AZIN1: variants seen among roughly 807,000 people sequenced by gnomAD.
AZIN1 encodes the protein ornithine decarboxylase antizyme inhibitor.
In AZIN1, 12 loss-of-function variants were observed where a neutral mutation model predicts 47.4. The ratio of observed to expected loss-of-function variants is 0.25; its 90% CI spans 0.16 to 0.41. AZIN1 has a LOEUF of 0.41. AZIN1 is among the 10% of genes least tolerant of loss of function. The pLI, the probability that AZIN1 is intolerant of heterozygous loss-of-function variation, is 1.00. For missense variants in AZIN1, 410 were observed against 532.4 expected, an observed-to-expected ratio of 0.77 and a Z score of 2.26; for synonymous variants, 155 against 176.3, an observed-to-expected ratio of 0.88 and a Z score of 0.96.
Position 102,829,868 on chromosome 8 carries a change from C to G in AZIN1, c.973G>C (p.Ala325Pro), listed in dbSNP as rs2131188684. Reference protein sequence around the residue: ...YMNDGVYGSFASKLSEDLNTI... With the variant: ...YMNDGVYGSFPSKLSEDLNTI... ...TTTAAGTCCTCAGACAGTTTACTTG[C>G]AAAAGAACCATAAACACCATCATTC... Residue 325 changes from alanine to proline, a missense_variant, in exon 10 of 12, where the codon GCA (alanine) becomes CCA (proline). Transcript: ENST00000337198. 1 of 1,613,404 alleles carries G rather than the reference C, an allele frequency of 6.2e-7. No homozygotes were observed. The highest frequency in any genetic ancestry group is 1.1e-5 in the South Asian group (1 of 90,800).
At chr8:102,861,463 C>G (rs1813646124) in intron 1 of AZIN1, among the ~76,000 whole-genome samples, 1 of 151,450 alleles carries the variant, frequency 6.6e-6, no homozygotes, top group Non-Finnish European at 1.5e-5. Flanking sequence ...CTCAGGCAAT[C>G]CACCCGCCTC....
intron 1 of AZIN1, among the ~76,000 whole-genome samples, chr8:102,863,386 G>GGGGCTGCGGGACCCCGGCCCCTCA (rs568065195): frequency 2.6e-3 from 402 of 151,844 alleles, no homozygotes; most frequent in African/African-American, 8.9e-3. Flanking sequence ...CCGCGGAGTA[G>GGGGCTGCGGGACCCCGGCCCCTCA]GGGCTGCGGG....
At chr8:102,833,810 T>A (rs1321717845) in intron 8 of AZIN1, among the ~76,000 whole-genome samples, 1 of 141,006 alleles carries the variant, frequency 7.1e-6, no homozygotes, top group African/African-American at 2.7e-5. Context: ...AGCAGGAGGA[T>A]CGCTTGAGCC....
At chr8:102,832,825 G>C (rs1346786331) in intron 9 of AZIN1, among the ~76,000 whole-genome samples, 2 of 152,036 alleles carry the variant, frequency 1.3e-5, no homozygotes, top group African/African-American at 4.8e-5. Context: ...ATTTTTAGTA[G>C]AGATGGGGTT....
intron 2 of AZIN1, among the ~76,000 whole-genome samples, chr8:102,850,759 G>C (rs1311347161): frequency 6.6e-6 from 1 of 152,130 alleles, no homozygotes; most frequent in African/African-American, 2.4e-5. Flanking sequence ...TTATTTTTCA[G>C]GTGATGAGGT....
intron 1 of AZIN1, among the ~76,000 whole-genome samples, chr8:102,862,571 C>A (rs943785364): frequency 3.9e-5 from 6 of 152,126 alleles, no homozygotes; most frequent in African/African-American, 1.4e-4. Flanking sequence ...GAGGGCCTTT[C>A]TAGACAATCA....
At chr8:102,834,865 C>A in intron 6 of AZIN1, 118 bp from the exon 7 acceptor site, 1 of 662,912 alleles carries the variant, frequency 1.5e-6, no homozygotes, top group Non-Finnish European at 2.5e-6. Context: ...TTAACTTTAC[C>A]AAATATTTAA....
rs34437491 is a variant in AZIN1 at position 102,830,401 on chromosome 8, C to CAA, written c.905-467_905-466dup. Among the ~76,000 whole-genome samples, 295 of 90,452 alleles carry CAA rather than the reference C, an allele frequency of 3.3e-3. 1 individual carries two copies. The highest frequency in any genetic ancestry group is 6.0e-3 in the African/African-American group (144 of 23,832). 59.3% of individuals were successfully genotyped at this position (90,452 alleles called of 152,430 possible). ...TGGGTGACAGAATGAGACCCTGTCTCAAAAAAAAAAAAAAAAAAAGAAAAA... is the reference window on the plus strand; with the variant it reads ...TGGGTGACAGAATGAGACCCTGTCTCAAAAAAAAAAAAAAAAAAAAAGAAAAA... On this transcript the variant is annotated intron_variant, in intron 9 of 11. Coordinates refer to ENST00000337198, the MANE Select transcript of AZIN1 (RefSeq NM_148174.4).
intron 2 of AZIN1, chr8:102,854,548 G>A (rs1234753572): frequency 6.8e-6 from 1 of 146,602 alleles, no homozygotes; most frequent in Non-Finnish European, 1.5e-5. Flanking sequence ...AGTGAGCCAA[G>A]ATTGTGCCAC....
chr8:102,841,803 T>A (rs1982110), intron 3 of AZIN1, among the ~76,000 whole-genome samples: 42,598 of 119,762 alleles, frequency 0.36, 7,873 homozygotes, highest in Admixed American at 0.42. Context: ...TATATATATA[T>A]ATAAAAAAAA....
rs563227349 is a variant in AZIN1 at position 102,836,505 on chromosome 8, C to T, written c.450-115G>A. On this transcript the variant is annotated intron_variant, in intron 5 of 11. Transcript: ENST00000337198. ...ATGTTGCCAGTGCTCCCAAATCCAGCGACGGATGAATCAAGTGAACCTAAT... is the reference window on the plus strand; with the variant it reads ...ATGTTGCCAGTGCTCCCAAATCCAGTGACGGATGAATCAAGTGAACCTAAT... The T allele has an allele frequency of 1.1e-5, 13 of 1,138,550 alleles. No homozygotes were observed. In the African/African-American group the frequency reaches 1.2e-4, roughly 11 times the overall value. 70.5% of individuals were successfully genotyped at this position (1,138,550 alleles called of 1,614,324 possible).
intron 5 of AZIN1, 68 bp from the exon 6 acceptor site, chr8:102,836,458 G>T: frequency 6.6e-7 from 1 of 1,520,370 alleles, no homozygotes; most frequent in Middle Eastern, 1.7e-4. Flanking sequence ...GAAGCCTGAA[G>T]ATTGTAGGAA....
At chr8:102,831,729 A>G (rs968695738) in intron 9 of AZIN1, among the ~76,000 whole-genome samples, 2 of 151,850 alleles carry the variant, frequency 1.3e-5, no homozygotes, top group Admixed American at 6.6e-5. Flanking sequence ...AGGCAGGTGG[A>G]TCACTTGAGC....
intron 5 of AZIN1, 113 bp from the exon 6 acceptor site, chr8:102,836,503 A>G: frequency 1.7e-6 from 2 of 1,162,958 alleles, no homozygotes; most frequent in South Asian, 2.9e-5. Context: ...TCCCAAATCC[A>G]GCGACGGATG....
intron 8 of AZIN1, 122 bp downstream of exon 8, chr8:102,834,067 A>C: frequency 1.4e-6 from 1 of 714,346 alleles, no homozygotes. Context: ...CTAAGAACAT[A>C]ATTTTAAAGA....
At chr8:102,832,558 C>T (rs531890613) in intron 9 of AZIN1, among the ~76,000 whole-genome samples, 7 of 152,078 alleles carry the variant, frequency 4.6e-5, no homozygotes, top group African/African-American at 1.4e-4. Flanking sequence ...ATCTGCTAGA[C>T]ATTTATCTAA....
intron 9 of AZIN1, among the ~76,000 whole-genome samples, chr8:102,830,401 CAAAA>C (rs34437491): frequency 1.1e-5 from 1 of 90,580 alleles, no homozygotes; most frequent in Non-Finnish European, 2.2e-5. Flanking sequence ...GACCCTGTCT[CAAAA>C]AAAAAAAAAA....
intron 5 of AZIN1, 50 bp from the exon 6 acceptor site, chr8:102,836,440 G>A (rs1811827297): frequency 6.3e-7 from 1 of 1,578,280 alleles, no homozygotes; most frequent in African/African-American, 1.4e-5. Flanking sequence ...ATCATCATCA[G>A]CACATGTGAA....
At chr8:102,861,921 A>G (rs1371455496) in intron 1 of AZIN1, among the ~76,000 whole-genome samples, 1 of 152,002 alleles carries the variant, frequency 6.6e-6, no homozygotes, top group East Asian at 1.9e-4. Flanking sequence ...CTGTAATCCC[A>G]GCTGCTCGGG....
Sources: gnomAD v4.1 joint callset for allele counts (sites outside exome capture counted in the v4.1 genomes callset) on GRCh38, gnomAD v4.1.1 for gene constraint, MANE v1.5 for transcripts, NCBI Gene and HGNC (gene_info 2026-07-23, HGNC 2026-07-21) for gene names.